The following CHEK1 variants were observed in gnomAD, a reference collection of about 807,000 sequenced individuals.
The protein encoded by CHEK1 is checkpoint kinase 1, also known as serine/threonine-protein kinase Chk1.
In CHEK1, 32 loss-of-function variants were observed where a neutral mutation model predicts 60.2. The observed-to-expected ratio is 0.53, with a 90% CI of 0.40 to 0.71. The LOEUF (loss-of-function observed/expected upper bound fraction) is 0.71, where lower values mean the gene tolerates loss of function less well. CHEK1 is among the 30% of genes least tolerant of loss of function. The pLI, the probability that CHEK1 is intolerant of heterozygous loss-of-function variation, is 0.00. For missense variants in CHEK1, 399 were observed against 564.6 expected, an observed-to-expected ratio of 0.71 and a Z score of 2.97; for synonymous variants, 179 against 187.2, an observed-to-expected ratio of 0.96 and a Z score of 0.36.
At chr11:125,674,155 C>T (rs980301841) in intron 13 of CHEK1, among the ~76,000 whole-genome samples, 2 of 152,076 alleles carry the variant, frequency 1.3e-5, no homozygotes, top group Admixed American at 6.5e-5. Context: ...AAAAAATTAA[C>T]GGACCTAGTA....
rs1037654333 is a variant in CHEK1 at position 125,653,669 on chromosome 11, A to G, written c.1234-77A>G. On this transcript the variant is annotated intron_variant, in intron 11 of 12. Coordinates refer to ENST00000438015, the MANE Select transcript of CHEK1 (RefSeq NM_001114122.3). The surrounding 1 kb of genome is among the most constrained non-coding windows in gnomAD (Gnocchi z 4.3). The stretch of plus-strand genomic sequence containing the variant: ...ATTTGTAGTTTTTTGAGAAACTTCT[A>G]TTCTGTTCTTCATAGTGGGTTTACT... The G allele has an allele frequency of 8.2e-6, 6 of 730,380 alleles. No homozygotes were observed. The highest frequency in any genetic ancestry group is 5.5e-5 in the East Asian group (2 of 36,356). The allele number at this position is 730,380 out of a possible 1,614,324, so 45.2% of individuals were successfully genotyped here. A position where few individuals can be genotyped will look rare whatever the true frequency, so the allele number is the denominator to read the frequency against.
At position 125,629,469 on chromosome 11, in the gene CHEK1, A is replaced by G. The variant is rs1435268628; in HGVS notation, c.424+9A>G. The G allele has an allele frequency of 3.1e-6, 5 of 1,587,702 alleles. No homozygotes were observed. Among genetic ancestry groups the G allele is most frequent in the Non-Finnish European group, 4.3e-6 (5 of 1,158,688 alleles). On this transcript the variant is annotated intron_variant, in intron 5 of 12. Transcript: ENST00000438015. Reference sequence around the variant, plus strand: ...TCTGTTGGATGAAAGGGGTAAGTTTAGCATTTTATCACTACCTAAAATAAA... The same window carrying G: ...TCTGTTGGATGAAAGGGGTAAGTTTGGCATTTTATCACTACCTAAAATAAA...
At chr11:125,680,630 G>A, downstream of CHEK1, 3 of 1,102,982 alleles carry the variant, frequency 2.7e-6, no homozygotes, top group East Asian at 7.3e-5. Context: ...ACTCAGATTG[G>A]TTTGGGTGAC....
At chr11:125,640,245 C>G (rs1490189956) in intron 8 of CHEK1, among the ~76,000 whole-genome samples, 1 of 152,178 alleles carries the variant, frequency 6.6e-6, no homozygotes, top group African/African-American at 2.4e-5. Flanking sequence ...AACAATTCAT[C>G]AATTCATGGG....
Position 125,656,211 on chromosome 11 carries a change from G to A in CHEK1, c.*891G>A, listed in dbSNP as rs2136068814. ...TCAACTTTGGGGCATATTAGGTTGAGGCCTTGGCTCCTGCCTGTAGTCCCA... is the reference window on the plus strand; with the variant it reads ...TCAACTTTGGGGCATATTAGGTTGAAGCCTTGGCTCCTGCCTGTAGTCCCA... On this transcript the variant is annotated 3_prime_UTR_variant, in exon 13 of 13. Transcript: ENST00000438015. The A allele has an allele frequency of 4.7e-6, 1 of 213,196 alleles. No homozygotes were observed. The highest frequency in any genetic ancestry group is 7.0e-5 in the East Asian group (1 of 14,242). 13.2% of individuals were successfully genotyped at this position (213,196 alleles called of 1,614,324 possible). A position where few individuals can be genotyped will look rare whatever the true frequency, so the allele number is the denominator to read the frequency against.
downstream of CHEK1, among the ~76,000 whole-genome samples, chr11:125,678,972 G>C (rs1942651398): frequency 6.7e-5 from 2 of 29,770 alleles, no homozygotes; most frequent in Admixed American, 4.2e-4. Context: ...AAAAAGTCTA[G>C]GCATATTATA....
At chr11:125,641,888 AT>A (rs1941317789) in intron 8 of CHEK1, among the ~76,000 whole-genome samples, 1 of 152,014 alleles carries the variant, frequency 6.6e-6, no homozygotes, top group East Asian at 1.9e-4. Context: ...ATATATCACT[AT>A]TCTACCCAAA....
At chr11:125,666,600 C>G (rs1591429780) in intron 13 of CHEK1, among the ~76,000 whole-genome samples, 1 of 151,896 alleles carries the variant, frequency 6.6e-6, no homozygotes, top group Admixed American at 6.6e-5. Context: ...TGTTGAAGAC[C>G]CCTAATATTA....
At chr11:125,628,624 T>C (rs1368981213) in intron 3 of CHEK1, among the ~76,000 whole-genome samples, 2 of 152,124 alleles carry the variant, frequency 1.3e-5, no homozygotes, top group African/African-American at 4.8e-5. Flanking sequence ...TGAGACTATA[T>C]GAAGTTTAAA....
At chr11:125,652,489 T>C (rs1941774368) in intron 11 of CHEK1, among the ~76,000 whole-genome samples, 1 of 152,204 alleles carries the variant, frequency 6.6e-6, no homozygotes, top group Non-Finnish European at 1.5e-5. Context: ...CATCTTTGAT[T>C]GTTTCTTCTT....
intron 11 of CHEK1, among the ~76,000 whole-genome samples, chr11:125,645,370 A>G (rs757924800): frequency 3.3e-5 from 5 of 152,218 alleles, no homozygotes; most frequent in Non-Finnish European, 5.9e-5. Flanking sequence ...ATTAGAGCAT[A>G]GTTATAACAT....
intron 11 of CHEK1, among the ~76,000 whole-genome samples, chr11:125,651,675 C>T (rs374995674): frequency 6.6e-6 from 1 of 152,082 alleles, no homozygotes; most frequent in South Asian, 2.1e-4. Flanking sequence ...CCCACCTGGA[C>T]CTATGCCTTA....
At chr11:125,636,345 ACTTTACTC>A in intron 7 of CHEK1, among the ~76,000 whole-genome samples, 1 of 150,716 alleles carries the variant, frequency 6.6e-6, no homozygotes, top group South Asian at 2.1e-4. Context: ...GATATGCCTT[ACTTTACTC>A]TTTTAATCAC....
At chr11:125,651,286 C>CTTT (rs59057522) in intron 11 of CHEK1, among the ~76,000 whole-genome samples, 7 of 128,152 alleles carry the variant, frequency 5.5e-5, no homozygotes, top group African/African-American at 1.8e-4. Flanking sequence ...AGACAAGCCT[C>CTTT]TTTTTTTTTT....
chr11:125,677,870 C>T (rs113034222), downstream of CHEK1: 99 of 1,613,616 alleles, frequency 6.1e-5, 1 homozygote, highest in Middle Eastern at 4.9e-4. Flanking sequence ...GCTGTTCACC[C>T]GAGGCCTGCT....
At position 125,656,129 on chromosome 11, in the gene CHEK1, CT is replaced by C. The variant is rs1288022429; in HGVS notation, c.*812del. ...AGCTATAAGAAAAATAGATCTGATTCTTTGTTCCTTTACCTGTTAGACTTAC... is the reference window on the plus strand; with the variant it reads ...AGCTATAAGAAAAATAGATCTGATTCTTGTTCCTTTACCTGTTAGACTTAC... On this transcript the variant is annotated 3_prime_UTR_variant, in exon 13 of 13. Transcript: ENST00000438015. 1 of 211,416 alleles carries C rather than the reference CT, an allele frequency of 4.7e-6. No individual in the cohort carries two copies. The highest frequency in any genetic ancestry group is 5.9e-5 in the Admixed American group (1 of 17,008). 13.1% of individuals were successfully genotyped at this position (211,416 alleles called of 1,614,324 possible). A position where few individuals can be genotyped will look rare whatever the true frequency, so the allele number is the denominator to read the frequency against.
At chr11:125,642,682 GA>G (rs1308201970) in intron 8 of CHEK1, among the ~76,000 whole-genome samples, 1 of 152,208 alleles carries the variant, frequency 6.6e-6, no homozygotes, top group Non-Finnish European at 1.5e-5. Context: ...TAAGGAGGTA[GA>G]AGGGTATGGG....
At chr11:125,669,327 C>T (rs1022415714) in intron 13 of CHEK1, among the ~76,000 whole-genome samples, 1 of 151,986 alleles carries the variant, frequency 6.6e-6, no homozygotes, top group African/African-American at 2.4e-5. Context: ...CAGTATTTTC[C>T]CTTCATTACT....
chr11:125,639,945 C>T (rs1057090675), intron 8 of CHEK1, among the ~76,000 whole-genome samples: 4 of 152,116 alleles, frequency 2.6e-5, no homozygotes, highest in Non-Finnish European at 5.9e-5. Context: ...CCTTCTCTAC[C>T]GGATCTTTCT....
Sources: allele counts gnomAD v4.1 joint callset (sites outside exome capture counted in the v4.1 genomes callset), GRCh38; gene constraint gnomAD v4.1.1; non-coding constraint Gnocchi (gnomAD v3.1); transcripts MANE v1.5; gene names NCBI Gene and HGNC (gene_info 2026-07-23, HGNC 2026-07-21).